The following DDHD1 variants were observed in gnomAD, a reference collection of about 807,000 sequenced individuals.
The protein encoded by DDHD1 is DDHD domain containing 1.
A neutral mutation model predicts 96.4 loss-of-function variants in DDHD1; 49 were observed. The ratio of observed to expected loss-of-function variants is 0.51; its 90% confidence interval spans 0.40 to 0.64. The LOEUF (loss-of-function observed/expected upper bound fraction) is 0.64, where lower values mean the gene tolerates loss of function less well. Among genes scored for constraint, DDHD1 ranks in the 30% least tolerant of loss-of-function variants. DDHD1 has a pLI of 0.00. For synonymous variants in DDHD1, 442 were observed against 446.5 expected (o/e 0.99, Z 0.13); for missense variants, 1,106 against 1,161.2 (o/e 0.95, Z 0.69).
chr14:53,080,909 A>C (rs1885417751), intron 4 of DDHD1, among the ~76,000 whole-genome samples: 1 of 151,808 alleles, frequency 6.6e-6, no homozygotes, highest in Non-Finnish European at 1.5e-5. Context: ...CATTTCTTTC[A>C]CTTAAATGTG....
intron 1 of DDHD1, among the ~76,000 whole-genome samples, chr14:53,135,468 C>T (rs151023641): frequency 5.7e-4 from 87 of 152,354 alleles, no homozygotes; most frequent in Middle Eastern, 3.4e-3. Flanking sequence ...TCAGACTCAG[C>T]CCAACTGCAC....
intron 12 of DDHD1, among the ~76,000 whole-genome samples, chr14:53,050,361 A>C (rs963892982): frequency 2.0e-5 from 3 of 152,170 alleles, no homozygotes; most frequent in Admixed American, 6.5e-5. Flanking sequence ...CCAAATTGTG[A>C]AGGGTCCAAC....
At chr14:53,079,010 AT>A (rs1451041077) in intron 4 of DDHD1, among the ~76,000 whole-genome samples, 1 of 151,526 alleles carries the variant, frequency 6.6e-6, no homozygotes, top group Non-Finnish European at 1.5e-5. Context: ...GATTACCTTG[AT>A]TAAAAAAAAA....
intron 1 of DDHD1, among the ~76,000 whole-genome samples, chr14:53,133,448 T>C (rs1035050615): frequency 1.3e-5 from 2 of 152,172 alleles, no homozygotes; most frequent in Non-Finnish European, 2.9e-5. Context: ...ATCAAGTCAT[T>C]CAGGCAGTCT....
chr14:53,147,757 A>C (rs1891096298), intron 1 of DDHD1, among the ~76,000 whole-genome samples: 1 of 152,184 alleles, frequency 6.6e-6, no homozygotes, highest in Non-Finnish European at 1.5e-5. Flanking sequence ...CTAGTGGGAA[A>C]TAACACAGTT....
At chr14:53,101,445 T>C (rs1023546070) in intron 2 of DDHD1, among the ~76,000 whole-genome samples, 1 of 152,130 alleles carries the variant, frequency 6.6e-6, no homozygotes, top group Non-Finnish European at 1.5e-5. Flanking sequence ...TGCTGAATCT[T>C]ATATGCCACA....
At chr14:53,128,485 G>A (rs1409893661) in intron 1 of DDHD1, among the ~76,000 whole-genome samples, 1 of 152,174 alleles carries the variant, frequency 6.6e-6, no homozygotes, top group East Asian at 1.9e-4. Flanking sequence ...GGGTGTTAAT[G>A]CGATTCACAG....
intron 4 of DDHD1, among the ~76,000 whole-genome samples, chr14:53,090,307 A>G (rs1025800536): frequency 6.6e-6 from 1 of 152,216 alleles, no homozygotes; most frequent in Non-Finnish European, 1.5e-5. Context: ...ATTGTGGAAG[A>G]CAGTGTGGTG....
intron 4 of DDHD1, among the ~76,000 whole-genome samples, chr14:53,077,131 CGTTTCCTATAATTTGGTAGTTA>C (rs745646285): frequency 1.4e-3 from 214 of 152,230 alleles, no homozygotes; most frequent in Admixed American, 2.7e-3. Flanking sequence ...TTCTTTGTCC[CGTTTCCTATAATTTGGTAGTTA>C]GTTATAGGGG....
At chr14:53,096,068 T>C in intron 2 of DDHD1, 1 of 905,422 alleles carries the variant, frequency 1.1e-6, no homozygotes, top group African/African-American at 1.8e-5. Flanking sequence ...CTGAATACTA[T>C]AAGCCAGGAA....
chr14:53,105,598 G>T (rs531739073), intron 1 of DDHD1, among the ~76,000 whole-genome samples: 2 of 152,208 alleles, frequency 1.3e-5, no homozygotes, highest in South Asian at 2.1e-4. Context: ...CAGCAAAATG[G>T]AAACTCCTGA....
intron 12 of DDHD1, among the ~76,000 whole-genome samples, chr14:53,047,198 A>G (rs1403188560): frequency 6.6e-6 from 1 of 152,210 alleles, no homozygotes; most frequent in Non-Finnish European, 1.5e-5. Context: ...AAGACAAAAA[A>G]AAATCACTTG....
intron 4 of DDHD1, among the ~76,000 whole-genome samples, chr14:53,090,529 G>C (rs182016086): frequency 6.6e-6 from 1 of 152,290 alleles, no homozygotes; most frequent in African/African-American, 2.4e-5. Flanking sequence ...ATACACCATG[G>C]AATATGACAC....
chr14:53,053,348 G>A (rs1288083121), intron 11 of DDHD1: 1 of 151,978 alleles, frequency 6.6e-6, no homozygotes, highest in Non-Finnish European at 1.5e-5. Flanking sequence ...AAATATCAAA[G>A]TCTAAAAAAG....
intron 4 of DDHD1, among the ~76,000 whole-genome samples, chr14:53,088,386 A>G (rs1886156069): frequency 1.3e-5 from 2 of 152,252 alleles, no homozygotes; most frequent in South Asian, 4.1e-4. Context: ...ATTTCAGACC[A>G]ATATCCCTGA....
rs994896851 is a variant in DDHD1, at chr14:53,137,435, T to C, written c.838+14826A>G. Among the ~76,000 whole-genome samples the C allele has an allele frequency of 5.3e-5, 8 of 151,492 alleles. No homozygotes were observed. The East Asian group carries it at 1.6e-3, about 29-fold the overall frequency. On this transcript the variant is annotated intron_variant, in intron 1 of 12. Transcript: ENST00000673822. ...GGCAAAACCCTGTCTCTACTAAAAATACAAAAATTAGCTGGGCTTGGTGGC... is the reference window on the plus strand; with the variant it reads ...GGCAAAACCCTGTCTCTACTAAAAACACAAAAATTAGCTGGGCTTGGTGGC...
At chr14:53,113,390 C>CAAAA (rs60704615) in intron 1 of DDHD1, among the ~76,000 whole-genome samples, 72 of 118,206 alleles carry the variant, frequency 6.1e-4, no homozygotes, top group African/African-American at 2.4e-3. Context: ...CTGTACAAGC[C>CAAAA]AAAAAAAAAA....
intron 1 of DDHD1, among the ~76,000 whole-genome samples, chr14:53,132,052 A>G (rs1260752008): frequency 6.6e-6 from 1 of 152,148 alleles, no homozygotes; most frequent in Non-Finnish European, 1.5e-5. Context: ...CAAAACCATT[A>G]TATAAATTCA....
Position 53,152,862 on chromosome 14 carries a change from C to A in DDHD1, c.237G>T (p.Ala79=), listed in dbSNP as rs760466224. 1.2e-6 allele frequency: 2 copies of A among 1,611,252 alleles called. No homozygotes were observed. Among genetic ancestry groups the A allele is most frequent in the African/African-American group, 2.7e-5 (2 of 74,704 alleles). Reference sequence around the variant, plus strand: ...TCTCGTCACTGAGGCAGGGGTCCAGCGCGAGGTGGTGGTTGTGGTCGTCGG... The same window carrying A: ...TCTCGTCACTGAGGCAGGGGTCCAGAGCGAGGTGGTGGTTGTGGTCGTCGG... ...PGTDDHNHHL[A]LDPCLSDENY... Residue 79 remains alanine, a synonymous_variant, in exon 1 of 13, where the codon GCG becomes GCT. Transcript: ENST00000673822.
Sources: gnomAD v4.1 joint callset for allele counts (sites outside exome capture counted in the v4.1 genomes callset) on GRCh38, gnomAD v4.1.1 for gene constraint, MANE v1.5 for transcripts, NCBI Gene and HGNC (gene_info 2026-07-23, HGNC 2026-07-21) for gene names.